Variants in CPNE4 observed in about 807,000 individuals in gnomAD.
The protein encoded by CPNE4 is copine-4.
Under a neutral mutation model 67.9 loss-of-function variants are expected in CPNE4, and 25 were observed. That is an observed-to-expected ratio of 0.37 (90% CI 0.27 to 0.51). CPNE4 has a LOEUF of 0.51. Ranked by LOEUF, CPNE4 falls within the 20% of genes least tolerant of loss-of-function variation. The pLI is 0.93. For missense variants in CPNE4, 464 were observed against 690.8 expected (o/e 0.67, Z 3.68); for synonymous variants, 242 against 244.9 (o/e 0.99, Z 0.11).
chr3:131,809,018 T>C (rs1181104842), intron 2 of CPNE4, among the ~76,000 whole-genome samples: 1 of 152,176 alleles, frequency 6.6e-6, no homozygotes, highest in Non-Finnish European at 1.5e-5. Context: ...TGTAGACATA[T>C]ATGCTTGTGT....
intron 2 of CPNE4, among the ~76,000 whole-genome samples, chr3:131,726,717 TG>T (rs1223211405): frequency 1.4e-3 from 12 of 8,740 alleles, no homozygotes; most frequent in East Asian, 7.7e-3. Context: ...CCTAATCAAC[TG>T]GGGGGGGCGG....
intron 7 of CPNE4, among the ~76,000 whole-genome samples, chr3:131,661,787 C>T (rs975085663): frequency 6.6e-6 from 1 of 151,986 alleles, no homozygotes; most frequent in Non-Finnish European, 1.5e-5. Context: ...ATATAAGGCA[C>T]ATAGAGAGGA....
chr3:131,553,090 C>A (rs948463211), intron 12 of CPNE4, among the ~76,000 whole-genome samples: 23 of 152,078 alleles, frequency 1.5e-4, no homozygotes, highest in Non-Finnish European at 1.0e-4. Flanking sequence ...ATTCCTCTAC[C>A]TGGCAGAACC....
chr3:131,594,550 A>G (rs776500164), intron 7 of CPNE4, among the ~76,000 whole-genome samples: 6 of 152,222 alleles, frequency 3.9e-5, no homozygotes, highest in African/African-American at 9.6e-5. Flanking sequence ...TCAGCTCAAA[A>G]TGGATTAAAG....
At chr3:131,866,950 G>A (rs1179690816) in intron 2 of CPNE4, among the ~76,000 whole-genome samples, 1 of 152,060 alleles carries the variant, frequency 6.6e-6, no homozygotes, top group East Asian at 1.9e-4. Context: ...AATTAAAGAG[G>A]GCACAGAAGA....
At chr3:131,578,100 T>G (rs748706362) in intron 9 of CPNE4, among the ~76,000 whole-genome samples, 3 of 152,120 alleles carry the variant, frequency 2.0e-5, no homozygotes, top group Non-Finnish European at 4.4e-5. Flanking sequence ...TTATTGAGCT[T>G]TATATTTTTT....
At chr3:131,848,568 G>C (rs914758475) in intron 2 of CPNE4, among the ~76,000 whole-genome samples, 16 of 151,900 alleles carry the variant, frequency 1.1e-4, no homozygotes, top group African/African-American at 3.6e-4. Context: ...GTTTGCCAGG[G>C]AGGCTTCTAA....
At chr3:131,632,244 A>C (rs755461791) in intron 7 of CPNE4, among the ~76,000 whole-genome samples, 23 of 152,020 alleles carry the variant, frequency 1.5e-4, no homozygotes, top group South Asian at 1.2e-3. Flanking sequence ...TCGTGACCTC[A>C]GGTGATTCAC....
intron 7 of CPNE4, among the ~76,000 whole-genome samples, chr3:131,653,621 A>T (rs1469185751): frequency 6.6e-6 from 1 of 152,202 alleles, no homozygotes; most frequent in Admixed American, 6.5e-5. Flanking sequence ...AAGACTCCTT[A>T]ACATGATCCA....
chr3:132,012,120 A>G (rs1239849355), intron 1 of CPNE4, among the ~76,000 whole-genome samples: 1 of 152,038 alleles, frequency 6.6e-6, no homozygotes, highest in Non-Finnish European at 1.5e-5. Context: ...GGCAATATAT[A>G]AAATCATGGG....
At chr3:131,920,465 TC>T (rs2070709903) in intron 1 of CPNE4, among the ~76,000 whole-genome samples, 1 of 152,068 alleles carries the variant, frequency 6.6e-6, no homozygotes, top group Non-Finnish European at 1.5e-5. Flanking sequence ...GTCTGCAAAG[TC>T]CTAGTGGCTA....
At chr3:131,791,253 T>C (rs1055306622) in intron 2 of CPNE4, among the ~76,000 whole-genome samples, 2 of 152,322 alleles carry the variant, frequency 1.3e-5, no homozygotes, top group Non-Finnish European at 2.9e-5. Context: ...TATAAATAAA[T>C]TGACATGAAT....
At chr3:132,004,202 C>T (rs1007559960) in intron 1 of CPNE4, among the ~76,000 whole-genome samples, 9 of 152,148 alleles carry the variant, frequency 5.9e-5, no homozygotes, top group Non-Finnish European at 1.0e-4. Context: ...TTTAAAAAAT[C>T]CATTCTATAT....
chr3:131,597,294 A>G (rs1217663277), intron 7 of CPNE4, among the ~76,000 whole-genome samples: 1 of 149,634 alleles, frequency 6.7e-6, no homozygotes, highest in Admixed American at 6.6e-5. Flanking sequence ...AACATCACAC[A>G]TCAGGGCCTG....
chr3:131,696,325 G>A (rs2081156458), intron 5 of CPNE4, among the ~76,000 whole-genome samples: 1 of 152,066 alleles, frequency 6.6e-6, no homozygotes. Context: ...AAACAGTCTT[G>A]GTGTCATAGA....
intron 2 of CPNE4, among the ~76,000 whole-genome samples, chr3:131,824,261 T>C (rs755985665): frequency 1.3e-5 from 2 of 152,204 alleles, no homozygotes; most frequent in Non-Finnish European, 2.9e-5. Flanking sequence ...AGATGAAACT[T>C]GATCTCTGAT....
rs1436287284 is a variant in CPNE4 at position 131,792,715 on chromosome 3, ATATG to A, written c.181-69094_181-69091del. On this transcript the variant is annotated intron_variant, in intron 2 of 15. Transcript: ENST00000429747. Reference sequence around the variant, plus strand: ...TATATACATATACACACACGTGTATATATGTATATATATACACGTGTGTATATAT... The same window carrying A: ...TATATACATATACACACACGTGTATATATATATATACACGTGTGTATATAT... 2.7e-3 allele frequency among the ~76,000 whole-genome samples: 299 copies of A among 111,950 alleles called. 22 individuals are homozygous for A. The highest frequency in any genetic ancestry group is 9.8e-3 in the African/African-American group (279 of 28,470). 73.4% of individuals were successfully genotyped at this position (111,950 alleles called of 152,430 possible). A position where few individuals can be genotyped will look rare whatever the true frequency, so the allele number is the denominator to read the frequency against.
intron 10 of CPNE4, among the ~76,000 whole-genome samples, chr3:131,568,112 T>C (rs1937151461): frequency 6.6e-6 from 1 of 152,006 alleles, no homozygotes; most frequent in Admixed American, 6.6e-5. Flanking sequence ...GCCCATTTTA[T>C]AGTTCTCATG....
At chr3:131,738,901 C>A (rs1020430576) in intron 2 of CPNE4, among the ~76,000 whole-genome samples, 1 of 146,724 alleles carries the variant, frequency 6.8e-6, no homozygotes, top group African/African-American at 2.5e-5. Context: ...GTCGCCCAGG[C>A]TAGAGTGCAG....
Sources: gnomAD v4.1 joint callset for allele counts (sites outside exome capture counted in the v4.1 genomes callset) on GRCh38, gnomAD v4.1.1 for gene constraint, MANE v1.5 for transcripts, NCBI Gene and HGNC (gene_info 2026-07-23, HGNC 2026-07-21) for gene names.